OPCML: variants seen among roughly 807,000 people sequenced by gnomAD.
OPCML encodes the protein opioid binding protein/cell adhesion molecule like.
In OPCML, 13 loss-of-function variants were observed where a neutral mutation model predicts 37.8. That is an observed-to-expected ratio of 0.34 (90% CI 0.22 to 0.55). The LOEUF (loss-of-function observed/expected upper bound fraction) is 0.55, where lower values mean the gene tolerates loss of function less well. OPCML is among the 20% of genes least tolerant of loss of function. The pLI, the probability that OPCML is intolerant of heterozygous loss-of-function variation, is 0.91. For missense variants in OPCML, 341 were observed against 435.6 expected (o/e 0.78, Z 1.93); for synonymous variants, 176 against 168.8 (o/e 1.04, Z -0.33).
chr11:132,680,325 T>C (rs1280186049), intron 2 of OPCML, among the ~76,000 whole-genome samples: 1 of 152,162 alleles, frequency 6.6e-6, no homozygotes, highest in East Asian at 1.9e-4. Context: ...TGGTCTTCTC[T>C]GAGTCATCAT....
rs377676023 is a variant in OPCML at position 133,439,865 on chromosome 11, A to C, written c.61+92399T>G. 1.5e-4 allele frequency among the ~76,000 whole-genome samples: 23 copies of C among 152,348 alleles called. No individual in the cohort carries two copies. In the South Asian group the frequency reaches 4.8e-3, roughly 32 times the overall value. ...GCAAGTCCAATCCAGCTACGAATTA[A>C]AAGAATATTATATCATGACAAGCAC... On this transcript the variant is annotated intron_variant, in intron 1 of 7. Transcript: ENST00000524381.
chr11:133,258,910 A>G (rs1020964631), intron 1 of OPCML, among the ~76,000 whole-genome samples: 4 of 152,334 alleles, frequency 2.6e-5, no homozygotes, highest in Non-Finnish European at 1.5e-5. Context: ...AAAAAACTGC[A>G]GTGGAACAGC....
chr11:133,480,059 C>A (rs991038925), intron 1 of OPCML, among the ~76,000 whole-genome samples: 1 of 152,172 alleles, frequency 6.6e-6, no homozygotes, highest in Non-Finnish European at 1.5e-5. Flanking sequence ...TTCTGTGGAC[C>A]CCAATCCAAG....
intron 1 of OPCML, among the ~76,000 whole-genome samples, chr11:133,257,014 T>C (rs539917586): frequency 1.3e-5 from 2 of 152,324 alleles, no homozygotes; most frequent in African/African-American, 2.4e-5. Context: ...CTGATTTCTA[T>C]GGGGTAAACA....
At chr11:132,588,710 A>G (rs973963839) in intron 3 of OPCML, among the ~76,000 whole-genome samples, 2 of 152,164 alleles carry the variant, frequency 1.3e-5, no homozygotes, top group East Asian at 1.9e-4. Flanking sequence ...CCCACTCAGG[A>G]GAGAATCCAT....
intron 2 of OPCML, among the ~76,000 whole-genome samples, chr11:132,698,179 T>A (rs545717309): frequency 6.6e-6 from 1 of 151,980 alleles, no homozygotes; most frequent in African/African-American, 2.4e-5. Context: ...GATTGCTGGA[T>A]CATTTGATAG....
chr11:132,863,616 C>T (rs574611316), intron 2 of OPCML, among the ~76,000 whole-genome samples: 4 of 152,328 alleles, frequency 2.6e-5, no homozygotes, highest in East Asian at 3.9e-4. Context: ...TCTCCAAAGT[C>T]GGCCATCCAA....
At chr11:132,502,439 C>G (rs969895327) in intron 4 of OPCML, among the ~76,000 whole-genome samples, 5 of 152,180 alleles carry the variant, frequency 3.3e-5, no homozygotes, top group African/African-American at 9.7e-5. Context: ...CTGTGTTTGC[C>G]TTTGTTGTCC....
chr11:133,460,544 A>G (rs1045358053), intron 1 of OPCML, among the ~76,000 whole-genome samples: 2 of 151,906 alleles, frequency 1.3e-5, no homozygotes, highest in Non-Finnish European at 2.9e-5. Flanking sequence ...AGAAAAGATT[A>G]TAAGGAGTAC....
intron 1 of OPCML, among the ~76,000 whole-genome samples, chr11:133,156,137 C>A (rs1366292927): frequency 6.6e-6 from 1 of 152,206 alleles, no homozygotes; most frequent in Non-Finnish European, 1.5e-5. Context: ...ATCCTTTGAT[C>A]TTGAGGATGA....
chr11:133,431,408 G>A (rs1374078919), intron 1 of OPCML, among the ~76,000 whole-genome samples: 1 of 152,112 alleles, frequency 6.6e-6, no homozygotes, highest in African/African-American at 2.4e-5. Context: ...AGTCATTTGA[G>A]CCTAACTACT....
At chr11:133,384,952 A>T (rs1945012635) in intron 1 of OPCML, among the ~76,000 whole-genome samples, 1 of 152,226 alleles carries the variant, frequency 6.6e-6, no homozygotes, top group Non-Finnish European at 1.5e-5. Flanking sequence ...GGAGGCCAAC[A>T]CAGAGGCCGG....
chr11:133,501,265 C>G (rs975568273), intron 1 of OPCML, among the ~76,000 whole-genome samples: 2 of 152,126 alleles, frequency 1.3e-5, no homozygotes, highest in Admixed American at 6.5e-5. Flanking sequence ...TGACGTTCCC[C>G]TTCATTGGAG....
intron 2 of OPCML, among the ~76,000 whole-genome samples, chr11:132,657,680 G>A (rs758496060): frequency 6.6e-6 from 1 of 152,184 alleles, no homozygotes; most frequent in South Asian, 2.1e-4. Flanking sequence ...GCACATGGGA[G>A]AGAGAGTGGA....
At chr11:132,727,404 C>A (rs74681706) in intron 2 of OPCML, among the ~76,000 whole-genome samples, 1 of 152,146 alleles carries the variant, frequency 6.6e-6, no homozygotes, top group African/African-American at 2.4e-5. Flanking sequence ...ATTCAGAAAA[C>A]AAACAGGCGT....
chr11:133,167,825 A>G (rs948080572), intron 1 of OPCML, among the ~76,000 whole-genome samples: 3 of 151,886 alleles, frequency 2.0e-5, no homozygotes, highest in Non-Finnish European at 2.9e-5. Context: ...ATCTCAATCT[A>G]TACCACCCAC....
At chr11:133,217,327 T>C (rs1331675003) in intron 1 of OPCML, among the ~76,000 whole-genome samples, 1 of 152,216 alleles carries the variant, frequency 6.6e-6, no homozygotes, top group African/African-American at 2.4e-5. Flanking sequence ...CCCGTTCCCA[T>C]GGGCAGAATT....
At position 132,420,131 on chromosome 11, in the gene OPCML, G is replaced by A; in HGVS notation, c.*62C>T. 1 of 1,428,796 alleles carries A rather than the reference G, an allele frequency of 7.0e-7. No individual in the cohort carries two copies. Among genetic ancestry groups the A allele is most frequent in the Non-Finnish European group, 9.8e-7 (1 of 1,015,860 alleles). The allele number at this position is 1,428,796 out of a possible 1,614,324, so 88.5% of individuals were successfully genotyped here. A position where few individuals can be genotyped will look rare whatever the true frequency, so the allele number is the denominator to read the frequency against. On this transcript the variant is annotated 3_prime_UTR_variant, in exon 8 of 8. Transcript: ENST00000524381. Reference sequence around the variant, plus strand: ...AGCCCAAGCTGGTTTGCTCTCCGCAGTGTAGATTAAAGTCTGTGATATGGA... The same window carrying A: ...AGCCCAAGCTGGTTTGCTCTCCGCAATGTAGATTAAAGTCTGTGATATGGA...
intron 2 of OPCML, among the ~76,000 whole-genome samples, chr11:132,755,467 C>G (rs1370836378): frequency 6.6e-6 from 1 of 152,120 alleles, no homozygotes; most frequent in Non-Finnish European, 1.5e-5. Context: ...TGGATCCTAT[C>G]AAGAACCATA....
Sources: gnomAD v4.1 joint callset for allele counts (sites outside exome capture counted in the v4.1 genomes callset) on GRCh38, gnomAD v4.1.1 for gene constraint, MANE v1.5 for transcripts, NCBI Gene and HGNC (gene_info 2026-07-23, HGNC 2026-07-21) for gene names.